Variants in SIK3 observed in about 807,000 individuals in gnomAD.
The protein encoded by SIK3 is SIK family kinase 3.
In SIK3, 28 loss-of-function variants were observed where a neutral mutation model predicts 144.2. The observed-to-expected ratio is 0.19, with a 90% CI of 0.14 to 0.27. The LOEUF (loss-of-function observed/expected upper bound fraction) is 0.27, where lower values mean the gene tolerates loss of function less well. Ranked by LOEUF, SIK3 falls within the 10% of genes least tolerant of loss-of-function variation. SIK3 has a pLI of 1.00. For synonymous variants in SIK3, 686 were observed against 676.3 expected (o/e 1.01, Z -0.22); for missense variants, 1,319 against 1,776.0 (o/e 0.74, Z 4.62).
chr11:116,888,346 C>A lies in SIK3; in HGVS notation c.865+7907G>T, dbSNP rs114118755. ...GCAGCTGGCCTCACAGGCTGAAAAG[C>A]AGCCAGCACTCGCCTCCATCAGAAG... is the stretch of plus-strand genomic sequence containing the variant. On this transcript the variant is annotated intron_variant, in intron 6 of 24. Transcript: ENST00000445177. 3.8e-3 allele frequency among the ~76,000 whole-genome samples: 584 copies of A among 152,310 alleles called. 2 individuals are homozygous for A. Among genetic ancestry groups the A allele is most frequent in the African/African-American group, 0.013 (558 of 41,558 alleles).
chr11:116,944,838 C>T (rs935563281), intron 3 of SIK3, among the ~76,000 whole-genome samples: 1 of 152,188 alleles, frequency 6.6e-6, no homozygotes, highest in East Asian at 1.9e-4. Flanking sequence ...ACTATGCTCT[C>T]TTAGTCTGTA....
At chr11:117,071,772 T>C (rs892314668) in intron 1 of SIK3, among the ~76,000 whole-genome samples, 1 of 149,332 alleles carries the variant, frequency 6.7e-6, no homozygotes, top group African/African-American at 2.5e-5. Flanking sequence ...TGTGCCACCA[T>C]GCTTGGTTAA....
Position 116,873,855 on chromosome 11 carries a change from G to A in SIK3, c.1581+48C>T, listed in dbSNP as rs188101860. 1,284 of 1,572,580 alleles carry A rather than the reference G, an allele frequency of 8.2e-4. 2 individuals are homozygous for A. The highest frequency in any genetic ancestry group is 1.0e-3 in the Non-Finnish European group (1,194 of 1,162,854). ...GGTGCCTCATAGCCTCTCAAAGGAAGCTCAAGTTTGTTTCTTCTGGAGCCA... is the reference window on the plus strand; with the variant it reads ...GGTGCCTCATAGCCTCTCAAAGGAAACTCAAGTTTGTTTCTTCTGGAGCCA... On this transcript the variant is annotated intron_variant, in intron 12 of 24. Coordinates refer to ENST00000445177, the MANE Select transcript of SIK3 (RefSeq NM_001366686.3).
At position 116,848,987 on chromosome 11, in the gene SIK3, C is replaced by T. The variant is rs186500643; in HGVS notation, c.3819+133G>A. On this transcript the variant is annotated intron_variant, in intron 22 of 24. Coordinates refer to ENST00000445177, the MANE Select transcript of SIK3 (RefSeq NM_001366686.3). ...CAAAAAAGAAAAAAAAAGAAATGCT[C>T]CCCACCGTTTCCAGAAAGGCTGAAT... 891 of 1,045,734 alleles carry T rather than the reference C, an allele frequency of 8.5e-4. 12 individuals are homozygous for T. The East Asian group carries it at 0.023, about 27-fold the overall frequency. 64.8% of individuals were successfully genotyped at this position (1,045,734 alleles called of 1,614,324 possible). A position where few individuals can be genotyped will look rare whatever the true frequency, so the allele number is the denominator to read the frequency against.
chr11:116,896,175 T>G, intron 6 of SIK3, 78 bp downstream of exon 6: 5 of 1,577,538 alleles, frequency 3.2e-6, no homozygotes, highest in Non-Finnish European at 3.5e-6. Context: ...TTATACTCCA[T>G]CACTAAATTC....
At chr11:116,965,734 A>AATATATATAC (rs1949505761) in intron 1 of SIK3, among the ~76,000 whole-genome samples, 7 of 118,376 alleles carry the variant, frequency 5.9e-5, no homozygotes, top group African/African-American at 2.6e-4. Flanking sequence ...TCTCTGCTAA[A>AATATATATAC]ATATATATAT....
At chr11:117,031,371 T>G (rs1199104973) in intron 1 of SIK3, among the ~76,000 whole-genome samples, 1 of 151,386 alleles carries the variant, frequency 6.6e-6, no homozygotes, top group South Asian at 2.1e-4. Context: ...TTTTCCTTTT[T>G]TTTTTTTTGT....
intron 11 of SIK3, 72 bp from the exon 12 acceptor site, chr11:116,874,128 A>T (rs1565393785): frequency 1.4e-5 from 20 of 1,432,390 alleles, no homozygotes; most frequent in South Asian, 7.0e-5. Flanking sequence ...CCCAAAACTG[A>T]TGGCATTGCT....
intron 15 of SIK3, among the ~76,000 whole-genome samples, chr11:116,866,670 G>A (rs1943662528): frequency 6.6e-6 from 1 of 152,122 alleles, no homozygotes; most frequent in Admixed American, 6.5e-5. Context: ...TCGAACTCCT[G>A]ACCTTGTGAT....
At chr11:116,855,082 C>CAAAAAAA (rs1942776835) in intron 21 of SIK3, among the ~76,000 whole-genome samples, 2 of 30,518 alleles carry the variant, frequency 6.6e-5, no homozygotes, top group African/African-American at 5.4e-4. Flanking sequence ...TGAGACTCTG[C>CAAAAAAA]CAAAAAAAAA....
intron 4 of SIK3, among the ~76,000 whole-genome samples, chr11:116,901,533 G>A (rs1945740512): frequency 6.6e-6 from 1 of 152,238 alleles, no homozygotes; most frequent in South Asian, 2.1e-4. Context: ...ATTCATTAAT[G>A]GAAATAAATA....
chr11:117,078,185 T>C (rs1954633257), intron 1 of SIK3, among the ~76,000 whole-genome samples: 1 of 152,168 alleles, frequency 6.6e-6, no homozygotes, highest in Non-Finnish European at 1.5e-5. Flanking sequence ...AGAAAGACAT[T>C]ACAGAAAATC....
At chr11:116,881,392 G>A (rs992014614) in intron 6 of SIK3, among the ~76,000 whole-genome samples, 1 of 152,206 alleles carries the variant, frequency 6.6e-6, no homozygotes, top group Non-Finnish European at 1.5e-5. Flanking sequence ...ACGTTAACTA[G>A]AGGATGTTCA....
rs188229148 is a variant in SIK3, at chr11:117,047,557, G to C, written c.273+50586C>G. ...ATTCTCTTAAAACAGTCCAAGCCTA[G>C]ATATTCTTAGACATGTCCTCCAGTT... On this transcript the variant is annotated intron_variant, in intron 1 of 24. Transcript: ENST00000445177. 1.2e-4 allele frequency among the ~76,000 whole-genome samples: 19 copies of C among 152,326 alleles called. No individual in the cohort carries two copies. The East Asian group carries it at 3.7e-3, about 29-fold the overall frequency.
intron 4 of SIK3, among the ~76,000 whole-genome samples, chr11:116,904,207 A>G (rs1945894580): frequency 6.6e-6 from 1 of 152,210 alleles, no homozygotes; most frequent in Non-Finnish European, 1.5e-5. Flanking sequence ...TTGAATGGCC[A>G]GGATCTGGAG....
At chr11:117,084,260 G>GT (rs930067933) in intron 1 of SIK3, among the ~76,000 whole-genome samples, 2 of 151,922 alleles carry the variant, frequency 1.3e-5, no homozygotes, top group Non-Finnish European at 2.9e-5. Flanking sequence ...AAGTTTTTTG[G>GT]TTTTTTTGTG....
At chr11:117,023,413 GA>G (rs1238658289) in intron 1 of SIK3, among the ~76,000 whole-genome samples, 5 of 129,978 alleles carry the variant, frequency 3.8e-5, no homozygotes, top group Admixed American at 7.6e-5. Flanking sequence ...TACACCTGAT[GA>G]TTTTTTTTTT....
At chr11:117,011,223 TTC>T (rs1491546180) in intron 1 of SIK3, among the ~76,000 whole-genome samples, 1 of 152,200 alleles carries the variant, frequency 6.6e-6, no homozygotes, top group African/African-American at 2.4e-5. Context: ...TCCTTTTTTT[TTC>T]CCCCTGTAAA....
intron 1 of SIK3, among the ~76,000 whole-genome samples, chr11:117,072,624 A>C (rs574061311): frequency 6.6e-6 from 1 of 152,190 alleles, no homozygotes; most frequent in Non-Finnish European, 1.5e-5. Flanking sequence ...TATTTTTACT[A>C]TCTGAAAATG....
Sources: allele counts gnomAD v4.1 joint callset (sites outside exome capture counted in the v4.1 genomes callset), GRCh38; gene constraint gnomAD v4.1.1; transcripts MANE v1.5; gene names NCBI Gene and HGNC (gene_info 2026-07-23, HGNC 2026-07-21).